SETD2: variants seen among roughly 807,000 people sequenced by gnomAD.
SETD2 encodes the protein histone-lysine N-methyltransferase SETD2.
A neutral mutation model predicts 242.1 loss-of-function variants in SETD2; 31 were observed. That is an observed-to-expected ratio of 0.13 (90% confidence interval 0.10 to 0.17). The LOEUF (loss-of-function observed/expected upper bound fraction) is 0.17, where lower values mean the gene tolerates loss of function less well. SETD2 is among the 10% of genes least tolerant of loss of function. The pLI is 1.00. For missense variants in SETD2, 2,481 were observed against 3,046.3 expected, an observed-to-expected ratio of 0.81 and a Z score of 4.37; for synonymous variants, 1,006 against 1,066.5, an observed-to-expected ratio of 0.94 and a Z score of 1.11.
chr3:47,101,430 C>T, intron 8 of SETD2, 28 bp downstream of exon 8: 1 of 1,355,526 alleles, frequency 7.4e-7, no homozygotes, highest in Non-Finnish European at 1.1e-6. Context: ...CCATCAGAAG[C>T]AGCAAAATTA....
Position 47,040,569 on chromosome 3 carries a change from A to ATTTTTTTTTTTT in SETD2, c.7238+1980_7238+1991dup, listed in dbSNP as rs34309892. Among the ~76,000 whole-genome samples the ATTTTTTTTTTTT allele has an allele frequency of 1.1e-4, 10 of 91,720 alleles. 1 individual carries two copies. The highest frequency in any genetic ancestry group is 3.7e-4 in the East Asian group (1 of 2,734). The allele number at this position is 91,720 out of a possible 152,430, so 60.2% of individuals were successfully genotyped here. A position where few individuals can be genotyped will look rare whatever the true frequency, so the allele number is the denominator to read the frequency against. ...AAAATAGATGACATGAGGGAAAAGG[A>ATTTTTTTTTTTT]TTTTTTTTTTTTTTTTTTTTTTGGA... On this transcript the variant is annotated intron_variant, in intron 17 of 20. Transcript: ENST00000409792.
chr3:47,077,490 A>G (rs1005398814), intron 12 of SETD2, among the ~76,000 whole-genome samples: 2 of 152,252 alleles, frequency 1.3e-5, no homozygotes, highest in African/African-American at 2.4e-5. Flanking sequence ...GAGTTACAGA[A>G]GGAATCTCAA....
intron 14 of SETD2, among the ~76,000 whole-genome samples, chr3:47,060,845 C>G (rs1158325945): frequency 6.6e-6 from 1 of 151,874 alleles, no homozygotes; most frequent in African/African-American, 2.4e-5. Context: ...CAATTATCAC[C>G]AAGACAAAAT....
At chr3:47,143,954 C>T (rs894649698) in intron 1 of SETD2, among the ~76,000 whole-genome samples, 4 of 152,144 alleles carry the variant, frequency 2.6e-5, no homozygotes, top group African/African-American at 4.8e-5. Flanking sequence ...TCGTGATCTG[C>T]CCGCCTCGGC....
chr3:47,023,620 G>T (rs933027226), intron 18 of SETD2, among the ~76,000 whole-genome samples: 1 of 151,816 alleles, frequency 6.6e-6, no homozygotes, highest in African/African-American at 2.4e-5. Context: ...AGTACAGCTG[G>T]TGTTCTGCAT....
chr3:47,115,794 G>A (rs1019682767), intron 4 of SETD2, among the ~76,000 whole-genome samples: 10 of 152,184 alleles, frequency 6.6e-5, no homozygotes, highest in African/African-American at 2.4e-4. Flanking sequence ...ACAGGTGTGT[G>A]TCATCATGCC....
Position 47,017,321 on chromosome 3 carries a change from CA to C in SETD2, c.7534-68del. On this transcript the variant is annotated intron_variant, in intron 20 of 20. Transcript: ENST00000409792. This position sits in a 1 kb window ranked among gnomAD's most constrained non-coding sequence, Gnocchi z 4.8. ...AGCAGAAATTATATGAGGGGGAGGA[CA>C]GGGGTGGTAATCCAGCCTGCTGCTT... 6.4e-7 allele frequency: 1 copy of C among 1,559,394 alleles called. No homozygotes were observed. Among genetic ancestry groups the C allele is most frequent in the Non-Finnish European group, 8.8e-7 (1 of 1,140,016 alleles).
chr3:47,157,671 C>T (rs2044157129), intron 1 of SETD2: 2 of 387,486 alleles, frequency 5.2e-6, no homozygotes, highest in Non-Finnish European at 1.0e-5. Flanking sequence ...GTCAGGAGTT[C>T]GAGACCAGCC....
rs368465960 is a variant in SETD2 at position 47,123,456 on chromosome 3, A to G, written c.1180T>C (p.Cys394Arg). 3.2e-5 allele frequency: 49 copies of G among 1,551,418 alleles called. No individual in the cohort carries two copies. The highest frequency in any genetic ancestry group is 3.1e-4 in the African/African-American group (23 of 73,034). The change falls in exon 3 of 21, where the codon TGT becomes CGT. Residue 394 changes from cysteine (C) to arginine (R), a missense_variant. Around this residue, in one of 17 missense-constraint regions of SETD2, gnomAD observed 1,300 missense variants for 1,259.2 expected, o/e 1.03. Transcript: ENST00000409792. ...CGCCGTCGCTCTCTTTCTGATCTACATCGGGAAGATACATACCGAGTATCT... is the reference window on the plus strand; with the variant it reads ...CGCCGTCGCTCTCTTTCTGATCTACGTCGGGAAGATACATACCGAGTATCT... ...ERDTRYVSSR[C>R]RSERERRRSR... is the part of the protein sequence containing the mutation.
At chr3:47,101,009 CAAAAAAAAAAAAAAAAAA>C (rs1164475680) in intron 8 of SETD2, among the ~76,000 whole-genome samples, 1 of 23,100 alleles carries the variant, frequency 4.3e-5, no homozygotes, top group Non-Finnish European at 8.7e-5. Context: ...GAGTCCATCT[CAAAAAAAAAAAAAAAAAA>C]AAAAAAAAGA....
intron 1 of SETD2, among the ~76,000 whole-genome samples, chr3:47,150,675 A>T (rs2043963515): frequency 6.6e-6 from 1 of 152,112 alleles, no homozygotes; most frequent in South Asian, 2.1e-4. Flanking sequence ...CTAATCTTAT[A>T]GTTATTTAAG....
At chr3:47,144,069 AG>A in intron 1 of SETD2, among the ~76,000 whole-genome samples, 1 of 152,328 alleles carries the variant, frequency 6.6e-6, no homozygotes, top group East Asian at 1.9e-4. Flanking sequence ...TCAAGTTTCT[AG>A]CCACTTAATC....
intron 1 of SETD2, among the ~76,000 whole-genome samples, chr3:47,140,027 C>T (rs1264720430): frequency 6.6e-6 from 1 of 152,104 alleles, no homozygotes. Context: ...TTCTTACACC[C>T]CAAAAATAGC....
chr3:47,146,746 G>A lies in SETD2; in HGVS notation c.71+17108C>T, dbSNP rs892190669. ...GAAGCCAGGAGTTCAAAACCAGCCC[G>A]GGCAACATGGAGAGATCTTGCCTCT... On this transcript the variant is annotated intron_variant, in intron 1 of 20. Coordinates refer to ENST00000409792, the MANE Select transcript of SETD2 (RefSeq NM_014159.7). Among the ~76,000 whole-genome samples the A allele has an allele frequency of 2.4e-4, 37 of 151,956 alleles. 1 individual carries two copies. In the East Asian group the frequency reaches 2.9e-3, roughly 12 times the overall value.
At chr3:47,036,934 G>A (rs1248472696) in intron 18 of SETD2, among the ~76,000 whole-genome samples, 4 of 112,488 alleles carry the variant, frequency 3.6e-5, no homozygotes, top group Non-Finnish European at 5.5e-5. Context: ...GAACAAGAGA[G>A]GCCCTGAAGC....
chr3:47,083,151 T>C (rs948126280), intron 12 of SETD2, among the ~76,000 whole-genome samples: 4 of 152,222 alleles, frequency 2.6e-5, no homozygotes, highest in Admixed American at 2.0e-4. Flanking sequence ...AGATTATGTA[T>C]GTAATAGGCA....
At chr3:47,152,722 T>C (rs1374698860) in intron 1 of SETD2, among the ~76,000 whole-genome samples, 1 of 152,096 alleles carries the variant, frequency 6.6e-6, no homozygotes, top group Non-Finnish European at 1.5e-5. Context: ...CCAACCACAC[T>C]TGGCAGGGAA....
chr3:47,039,111 A>G (rs1418620103), intron 17 of SETD2, among the ~76,000 whole-genome samples: 1 of 152,216 alleles, frequency 6.6e-6, no homozygotes, highest in Non-Finnish European at 1.5e-5. Context: ...TAAGGATGTT[A>G]TTATAGAAAC....
At chr3:47,127,192 A>G (rs566017342) in intron 1 of SETD2, among the ~76,000 whole-genome samples, 3 of 152,002 alleles carry the variant, frequency 2.0e-5, no homozygotes, top group Non-Finnish European at 4.4e-5. Context: ...CCCTGTCTCT[A>G]TAAAAAATAC....
Sources: gnomAD v4.1 joint callset for allele counts (sites outside exome capture counted in the v4.1 genomes callset) on GRCh38, gnomAD v4.1.1 for gene constraint, gnomAD v4.1.1 regional missense constraint, Gnocchi (gnomAD v3.1) non-coding constraint, MANE v1.5 for transcripts, NCBI Gene and HGNC (gene_info 2026-07-23, HGNC 2026-07-21) for gene names.